Variants in RSU1 observed in about 807,000 individuals in gnomAD.
RSU1 encodes Ras suppressor protein 1.
Under a neutral mutation model 31.1 loss-of-function variants are expected in RSU1, and 26 were observed. That is an observed-to-expected ratio of 0.84 (90% CI 0.61 to 1.16). The LOEUF is 1.16. Ranked by LOEUF, RSU1 falls within the 50% of genes most tolerant of loss-of-function variation. The pLI is 0.00. For missense variants in RSU1, 320 were observed against 339.1 expected (o/e 0.94, Z 0.44); for synonymous variants, 164 against 136.3 (o/e 1.20, Z -1.41).
intron 5 of RSU1, among the ~76,000 whole-genome samples, 175 bp downstream of exon 5, chr10:16,754,696 A>T (rs1837048027): frequency 6.6e-6 from 1 of 152,164 alleles, no homozygotes; most frequent in Non-Finnish European, 1.5e-5. Context: ...TCACATAACG[A>T]TCTATCAAAT....
Position 16,593,457 on chromosome 10 carries a change from C to T in RSU1, c.771G>A (p.Pro257=), listed in dbSNP as rs778798773. The change falls in exon 9 of 9, where the codon CCG becomes CCA. Residue 257 remains proline (P), a synonymous_variant. Coordinates refer to ENST00000345264, the MANE Select transcript of RSU1 (RefSeq NM_012425.4). The stretch of plus-strand genomic sequence containing the variant: ...TTTTCGATTTGTCATTATTCTTCTT[C>T]GGTGGTTCTGGGTTGGCCTGCATGT... The part of the protein sequence containing the change: ...GRHMQANPEP[P]KKNNDKSKKI... The T allele has an allele frequency of 2.0e-5, 33 of 1,613,830 alleles. No homozygotes were observed. The highest frequency in any genetic ancestry group is 1.6e-4 in the Middle Eastern group (1 of 6,084).
At chr10:16,732,680 T>C (rs1160414446) in intron 7 of RSU1, among the ~76,000 whole-genome samples, 2 of 152,182 alleles carry the variant, frequency 1.3e-5, no homozygotes, top group Non-Finnish European at 2.9e-5. Flanking sequence ...TCTCAAGCCA[T>C]GATGATTTCT....
At chr10:16,726,515 T>G (rs1481181312) in intron 7 of RSU1, among the ~76,000 whole-genome samples, 2 of 152,098 alleles carry the variant, frequency 1.3e-5, no homozygotes, top group Non-Finnish European at 2.9e-5. Context: ...TCCACCCATC[T>G]CGGCCTCCCA....
At chr10:16,661,691 G>C (rs963319805) in intron 8 of RSU1, among the ~76,000 whole-genome samples, 2 of 152,234 alleles carry the variant, frequency 1.3e-5, no homozygotes, top group Admixed American at 6.5e-5. Context: ...TCTCTGAGGG[G>C]GTAGCCCCTT....
chr10:16,771,964 T>TTATTAAC (rs1174053991), intron 3 of RSU1, among the ~76,000 whole-genome samples: 9 of 152,324 alleles, frequency 5.9e-5, no homozygotes, highest in African/African-American at 2.2e-4. Flanking sequence ...ATAACAATGG[T>TTATTAAC]AATGTACTTT....
chr10:16,757,620 T>C (rs550903796), intron 4 of RSU1, among the ~76,000 whole-genome samples: 1 of 152,318 alleles, frequency 6.6e-6, no homozygotes, highest in South Asian at 2.1e-4. Context: ...ATTAATGCTA[T>C]GTTGAGATGA....
At chr10:16,739,202 A>T (rs34239050) in intron 7 of RSU1, among the ~76,000 whole-genome samples, 40,416 of 151,962 alleles carry the variant, frequency 0.27, 6,445 homozygotes, top group African/African-American at 0.45. Context: ...AGTAGAATGA[A>T]TTATAATCCT....
At chr10:16,798,524 C>A (rs990215660) in intron 2 of RSU1, among the ~76,000 whole-genome samples, 1 of 152,134 alleles carries the variant, frequency 6.6e-6, no homozygotes, top group African/African-American at 2.4e-5. Context: ...TCGCTCAGCA[C>A]TTCTCCATCC....
chr10:16,714,237 G>A (rs1836082630), intron 7 of RSU1, among the ~76,000 whole-genome samples: 1 of 152,192 alleles, frequency 6.6e-6, no homozygotes, highest in East Asian at 1.9e-4. Context: ...CTGATGCTGT[G>A]CCAGCTGCAC....
At chr10:16,774,533 G>A (rs1232184954) in intron 3 of RSU1, among the ~76,000 whole-genome samples, 2 of 152,176 alleles carry the variant, frequency 1.3e-5, no homozygotes, top group African/African-American at 2.4e-5. Flanking sequence ...TCACGCCACC[G>A]CATTCCAACC....
At chr10:16,711,029 T>C (rs988909464) in intron 7 of RSU1, among the ~76,000 whole-genome samples, 1 of 152,220 alleles carries the variant, frequency 6.6e-6, no homozygotes, top group Non-Finnish European at 1.5e-5. Flanking sequence ...GTATTCCACA[T>C]GGTGTATATG....
chr10:16,728,936 T>C (rs1038694971), intron 7 of RSU1, among the ~76,000 whole-genome samples: 1 of 152,198 alleles, frequency 6.6e-6, no homozygotes, highest in African/African-American at 2.4e-5. Flanking sequence ...TGGAGTCTAA[T>C]TCAGTGAAAA....
intron 7 of RSU1, among the ~76,000 whole-genome samples, chr10:16,751,856 C>T (rs2131619473): frequency 6.6e-6 from 1 of 152,264 alleles, no homozygotes; most frequent in African/African-American, 2.4e-5. Flanking sequence ...AACTCGTGAA[C>T]CTTTTGCAGT....
intron 8 of RSU1, among the ~76,000 whole-genome samples, chr10:16,669,633 G>T (rs1835070945): frequency 6.6e-6 from 1 of 152,040 alleles, no homozygotes. Context: ...CTGTGTCTAT[G>T]TATTCTCATT....
intron 7 of RSU1, among the ~76,000 whole-genome samples, chr10:16,723,621 T>C (rs1459492280): frequency 1.3e-5 from 2 of 152,208 alleles, no homozygotes; most frequent in African/African-American, 4.8e-5. Context: ...TACTATAGTT[T>C]ACCCCCTCTG....
intron 8 of RSU1, among the ~76,000 whole-genome samples, chr10:16,677,628 A>T (rs1835258014): frequency 6.6e-6 from 1 of 152,100 alleles, no homozygotes; most frequent in Non-Finnish European, 1.5e-5. Context: ...ATGTTCCAAA[A>T]ATTTATAGAG....
At chr10:16,611,509 G>A (rs1165371084) in intron 8 of RSU1, among the ~76,000 whole-genome samples, 3 of 152,168 alleles carry the variant, frequency 2.0e-5, no homozygotes, top group African/African-American at 7.2e-5. Context: ...TCCCATAGAT[G>A]TCTTCATTAT....
intron 8 of RSU1, among the ~76,000 whole-genome samples, chr10:16,664,253 C>A (rs976136965): frequency 6.6e-6 from 1 of 152,144 alleles, no homozygotes; most frequent in Non-Finnish European, 1.5e-5. Flanking sequence ...ATTTTCTGTA[C>A]CCATACCAAA....
intron 2 of RSU1, among the ~76,000 whole-genome samples, chr10:16,786,553 G>T (rs143485438): frequency 3.3e-5 from 5 of 151,778 alleles, no homozygotes; most frequent in African/African-American, 9.7e-5. Context: ...TTTGGGGTGG[G>T]GGGGAGTCAG....
Sources: gnomAD v4.1 joint callset for allele counts (sites outside exome capture counted in the v4.1 genomes callset) on GRCh38, gnomAD v4.1.1 for gene constraint, MANE v1.5 for transcripts, NCBI Gene and HGNC (gene_info 2026-07-23, HGNC 2026-07-21) for gene names.